Variants in TAB3 observed in about 807,000 individuals in gnomAD.
TAB3 encodes the protein TGF-beta-activated kinase 1 and MAP3K7-binding protein 3.
Under a neutral mutation model 48.1 loss-of-function variants are expected in TAB3, and 18 were observed. That is an observed-to-expected ratio of 0.37 (90% CI 0.26 to 0.55). The LOEUF (loss-of-function observed/expected upper bound fraction) is 0.55. TAB3 is among the 20% of genes least tolerant of loss of function. TAB3 has a pLI of 0.78. For missense variants in TAB3, 414 were observed against 549.8 expected, an observed-to-expected ratio of 0.75 and a Z score of 2.47; for synonymous variants, 185 against 190.2, an observed-to-expected ratio of 0.97 and a Z score of 0.22.
In TAB3 at chrX:30,828,269, G is replaced by C. The variant is rs1359657227; in HGVS notation, c.*3158C>G. ...ATGAACCCTAGACAACTGTGACAAA[G>C]CAATGACAAAATTTAAGGAAACATT... On this transcript the variant is annotated 3_prime_UTR_variant, in exon 11 of 11. Transcript: ENST00000288422. 8.8e-6 allele frequency: 1 copy of C among 113,605 alleles called. No individual in the cohort carries two copies. The highest frequency in any genetic ancestry group is 1.9e-5 in the Non-Finnish European group (1 of 53,257). The allele number at this position is 113,605 out of a possible 1,213,427, so 9.4% of individuals were successfully genotyped here.
intron 1 of TAB3, among the ~76,000 whole-genome samples, chrX:30,885,226 T>C (rs891598032): frequency 1.8e-5 from 2 of 112,207 alleles, no homozygotes; most frequent in African/African-American, 3.2e-5. Context: ...AGCTGATTTT[T>C]AAAATCATCT....
At position 30,831,214 on chromosome X, in the gene TAB3, T is replaced by C. The variant is rs1938021351; in HGVS notation, c.*213A>G. 2.9e-6 allele frequency: 1 copy of C among 339,245 alleles called. No homozygotes were observed. Among genetic ancestry groups the C allele is most frequent in the South Asian group, 1.2e-4 (1 of 8,355 alleles). 28.0% of individuals were successfully genotyped at this position (339,245 alleles called of 1,213,427 possible). Reference sequence around the variant, plus strand: ...TTTCCCAGTTTCAAGTATCCCTTTCTATCTCTCACTCTGTAGTGAGTTAAG... The same window carrying C: ...TTTCCCAGTTTCAAGTATCCCTTTCCATCTCTCACTCTGTAGTGAGTTAAG... On this transcript the variant is annotated 3_prime_UTR_variant, in exon 11 of 11. Coordinates refer to ENST00000288422, the MANE Select transcript of TAB3 (RefSeq NM_152787.5).
chrX:30,847,500 G>GTA (rs1349401586), intron 7 of TAB3, among the ~76,000 whole-genome samples: 2 of 106,099 alleles, frequency 1.9e-5, no homozygotes, highest in Non-Finnish European at 3.9e-5. Context: ...TTATATATAT[G>GTA]TATATATATA....
In TAB3 at chrX:30,850,917, T is replaced by C. The variant is rs778601156; in HGVS notation, c.1710+1861A>G. ...AAGTAGTTGCTAAATAAAATGTATA[T>C]GATTAAAGAAAATTACTATGCTAAG... On this transcript the variant is annotated intron_variant, in intron 7 of 10. Transcript: ENST00000288422. 8.3e-4 allele frequency among the ~76,000 whole-genome samples: 92 copies of C among 110,768 alleles called. 1 individual carries two copies. In the Middle Eastern group the frequency reaches 0.014, roughly 17 times the overall value.
intron 9 of TAB3, among the ~76,000 whole-genome samples, chrX:30,834,460 A>T (rs1285125417): frequency 1.8e-5 from 2 of 112,139 alleles, no homozygotes; most frequent in African/African-American, 6.5e-5. Flanking sequence ...AGTGATAGCA[A>T]ATAAATGTCG....
chrX:30,861,575 G>A (rs1362793179), intron 4 of TAB3, among the ~76,000 whole-genome samples: 1 of 111,849 alleles, frequency 8.9e-6, no homozygotes, highest in African/African-American at 3.2e-5. Flanking sequence ...TTATTTCAAA[G>A]TCCTTAGTGT....
At chrX:30,846,730 A>ATGAT (rs1160417733) in intron 7 of TAB3, 86 bp from the exon 8 acceptor site, 1 of 553,443 alleles carries the variant, frequency 1.8e-6, no homozygotes, top group Non-Finnish European at 3.0e-6. Flanking sequence ...GTTAATTGTA[A>ATGAT]TGATTGGGTA....
intron 9 of TAB3, among the ~76,000 whole-genome samples, chrX:30,838,416 A>C (rs1476900985): frequency 8.9e-6 from 1 of 112,070 alleles, no homozygotes; most frequent in Non-Finnish European, 1.9e-5. Flanking sequence ...GGTCTCCCAA[A>C]ATGCTAGGTT....
At chrX:30,839,531 G>T (rs948105205) in intron 9 of TAB3, among the ~76,000 whole-genome samples, 1 of 110,591 alleles carries the variant, frequency 9.0e-6, no homozygotes, top group Non-Finnish European at 1.9e-5. Flanking sequence ...TTCTGCTAGC[G>T]CCATAAAAAA....
chrX:30,839,917 TATA>T (rs1569204395), intron 9 of TAB3, among the ~76,000 whole-genome samples: 2 of 20,952 alleles, frequency 9.5e-5, no homozygotes, highest in African/African-American at 1.4e-3. Flanking sequence ...ATATATATTA[TATA>T]TATATATATA....
intron 4 of TAB3, among the ~76,000 whole-genome samples, chrX:30,866,309 G>A (rs924325358): frequency 9.1e-6 from 1 of 110,424 alleles, no homozygotes; most frequent in East Asian, 2.8e-4. Context: ...CTATATACAC[G>A]GAAATTTCAG....
chrX:30,870,860 C>T (rs1482099645), intron 2 of TAB3, among the ~76,000 whole-genome samples: 1 of 112,111 alleles, frequency 8.9e-6, no homozygotes. Context: ...GCCCAAGATG[C>T]CAATAGTGCC....
At chrX:30,871,298 G>A (rs181851032) in intron 2 of TAB3, among the ~76,000 whole-genome samples, 22 of 112,343 alleles carry the variant, frequency 2.0e-4, no homozygotes, top group African/African-American at 6.5e-4. Flanking sequence ...TGGAAGATTC[G>A]TATATCCCAC....
intron 2 of TAB3, among the ~76,000 whole-genome samples, chrX:30,871,333 C>A (rs6631199): frequency 0.019 from 2,140 of 112,306 alleles, 54 homozygotes; most frequent in African/African-American, 0.066. Flanking sequence ...TTCTTGGGGG[C>A]AGATCTTTCA....
intron 7 of TAB3, among the ~76,000 whole-genome samples, chrX:30,847,508 A>G (rs1938668613): frequency 9.3e-6 from 1 of 107,445 alleles, no homozygotes; most frequent in Non-Finnish European, 1.9e-5. Flanking sequence ...ATGTATATAT[A>G]TAAATATACA....
intron 5 of TAB3, 112 bp downstream of exon 5, chrX:30,859,375 C>CAG: frequency 1.9e-6 from 1 of 535,872 alleles, no homozygotes; most frequent in Non-Finnish European, 3.2e-6. Flanking sequence ...CACACACACA[C>CAG]ACACACACAC....
intron 9 of TAB3, chrX:30,834,804 A>AT (rs1457975695): frequency 9.1e-6 from 1 of 109,993 alleles, no homozygotes; most frequent in South Asian, 3.9e-4. Flanking sequence ...TTTAAATTTT[A>AT]TTTTTTGTAG....
At chrX:30,858,802 G>C (rs1345950240) in intron 5 of TAB3, among the ~76,000 whole-genome samples, 2 of 111,910 alleles carry the variant, frequency 1.8e-5, no homozygotes, top group East Asian at 5.6e-4. Flanking sequence ...GTTGTCCCCT[G>C]AGTGGGAAAG....
chrX:30,833,257 C>A (rs1569200696), intron 10 of TAB3, among the ~76,000 whole-genome samples: 1 of 110,024 alleles, frequency 9.1e-6, no homozygotes, highest in Admixed American at 9.7e-5. Context: ...GTGTGAGCCA[C>A]CGCACCCGGC....
Sources: gnomAD v4.1 joint callset for allele counts (sites outside exome capture counted in the v4.1 genomes callset) on GRCh38, gnomAD v4.1.1 for gene constraint, MANE v1.5 for transcripts, NCBI Gene and HGNC (gene_info 2026-07-23, HGNC 2026-07-21) for gene names.